Variants in RBFOX1 observed in about 807,000 individuals in gnomAD.
RBFOX1 encodes the protein RNA binding protein fox-1 homolog 1.
Under a neutral mutation model 57.7 loss-of-function variants are expected in RBFOX1, and 8 were observed. The observed-to-expected ratio is 0.14, with a 90% CI of 0.08 to 0.25. RBFOX1 has a LOEUF of 0.25. RBFOX1 is among the 10% of genes least tolerant of loss of function. RBFOX1 has a pLI of 1.00. For missense variants in RBFOX1, 611 were observed against 548.5 expected, an observed-to-expected ratio of 1.11 and a Z score of -1.14; for synonymous variants, 326 against 222.4, an observed-to-expected ratio of 1.47 and a Z score of -4.15.
chr16:7,614,801 T>C (rs2058154874), intron 10 of RBFOX1: 1 of 152,222 alleles, frequency 6.6e-6, no homozygotes, highest in Non-Finnish European at 1.5e-5. Flanking sequence ...CTCAAATCCT[T>C]ATGAAAATGC....
intron 3 of RBFOX1, among the ~76,000 whole-genome samples, chr16:6,738,264 A>G (rs1442465527): frequency 6.6e-6 from 1 of 151,996 alleles, no homozygotes; most frequent in East Asian, 1.9e-4. Flanking sequence ...GAGTCCTTTG[A>G]TTGCCCCAGC....
At chr16:6,594,456 C>G (rs531808527) in intron 2 of RBFOX1, among the ~76,000 whole-genome samples, 3 of 152,102 alleles carry the variant, frequency 2.0e-5, no homozygotes, top group African/African-American at 7.2e-5. Flanking sequence ...GTGGCAAACT[C>G]GGCAATAAAT....
In RBFOX1 at chr16:7,226,883, C is replaced by G. The variant is rs950584599; in HGVS notation, c.27+174785C>G. Among the ~76,000 whole-genome samples the G allele has an allele frequency of 8.5e-5, 13 of 152,324 alleles. No individual in the cohort carries two copies. In the South Asian group the frequency reaches 2.5e-3, roughly 29 times the overall value. The stretch of plus-strand genomic sequence containing the variant: ...GCTCACAGGCAAATGGACTTTATAA[C>G]TTGCAGATACAGTGGGGGTATTTTC... On this transcript the variant is annotated intron_variant, in intron 4 of 15. Transcript: ENST00000550418.
In RBFOX1 at chr16:6,801,586, G is replaced by T. The variant is rs547411422; in HGVS notation, c.-16+146936G>T. The stretch of plus-strand genomic sequence containing the variant: ...AAGGAAGCCCATAATTGGGGTGGAG[G>T]TTGGGGAGATGGCCAGGAGACTCAT... On this transcript the variant is annotated intron_variant, in intron 3 of 15. Transcript: ENST00000550418. Among the ~76,000 whole-genome samples, 444 of 152,148 alleles carry T rather than the reference G, an allele frequency of 2.9e-3. 4 individuals carry two copies. The highest frequency in any genetic ancestry group is 2.3e-3 in the South Asian group (11 of 4,802).
intron 4 of RBFOX1, among the ~76,000 whole-genome samples, chr16:7,064,705 A>G (rs1159308622): frequency 2.0e-5 from 3 of 152,184 alleles, no homozygotes; most frequent in Admixed American, 1.3e-4. Flanking sequence ...GCAAACGCAC[A>G]TCTAAACCTC....
At chr16:7,604,881 G>A (rs2095222388) in intron 9 of RBFOX1, among the ~76,000 whole-genome samples, 1 of 152,180 alleles carries the variant, frequency 6.6e-6, no homozygotes, top group Admixed American at 6.5e-5. Flanking sequence ...GACCTGAGAT[G>A]CACAGTATGG....
chr16:6,077,138 C>A (rs1567398718), intron 1 of RBFOX1, among the ~76,000 whole-genome samples: 1 of 152,128 alleles, frequency 6.6e-6, no homozygotes, highest in Non-Finnish European at 1.5e-5. Flanking sequence ...ACTTTAAATA[C>A]CTTCCAGAGT....
chr16:6,383,771 GAA>G (rs577920472), intron 2 of RBFOX1, among the ~76,000 whole-genome samples: 2 of 143,426 alleles, frequency 1.4e-5, no homozygotes, highest in Admixed American at 1.4e-4. Flanking sequence ...ATTTATCTTG[GAA>G]AAAAAAAAAG....
chr16:7,011,507 T>C (rs1390815523), intron 3 of RBFOX1, among the ~76,000 whole-genome samples: 1 of 148,482 alleles, frequency 6.7e-6, no homozygotes, highest in African/African-American at 2.6e-5. Flanking sequence ...TGTGCGTTTG[T>C]TTTGTTTTGT....
rs59117140 is a variant in RBFOX1 at position 5,548,158 on chromosome 16, TAAAAAA to T, written c.259-50732_259-50727del. Among the ~76,000 whole-genome samples the T allele has an allele frequency of 7.6e-4, 63 of 82,436 alleles. 1 individual carries two copies. The highest frequency in any genetic ancestry group is 1.5e-3 in the South Asian group (4 of 2,664). The allele number at this position is 82,436 out of a possible 152,430, so 54.1% of individuals were successfully genotyped here. On this transcript the variant is annotated intron_variant, in intron 2 of 2. Coordinates refer to the RBFOX1 transcript ENST00000585867. ...CCTGGGTGACAGAGCAAGACTCTGT[TAAAAAA>T]AAAAAAAAAAATATATATATATATA... is the stretch of plus-strand genomic sequence containing the variant.
chr16:6,065,069 C>G (rs1039330250), intron 1 of RBFOX1, among the ~76,000 whole-genome samples: 7 of 151,250 alleles, frequency 4.6e-5, no homozygotes, highest in African/African-American at 1.5e-4. Context: ...GTTCTGTCAC[C>G]CAGGCTAGAG....
At chr16:6,578,511 C>G (rs561446515) in intron 2 of RBFOX1, among the ~76,000 whole-genome samples, 3 of 150,618 alleles carry the variant, frequency 2.0e-5, no homozygotes, top group East Asian at 2.0e-4. Flanking sequence ...AAGCTGTGTT[C>G]TGCATTTTAC....
intron 4 of RBFOX1, among the ~76,000 whole-genome samples, chr16:7,070,765 G>T (rs1255926353): frequency 6.6e-6 from 1 of 152,188 alleles, no homozygotes; most frequent in Non-Finnish European, 1.5e-5. Context: ...TTAAACTGAA[G>T]AATTGAGGTT....
chr16:7,502,662 G>A (rs80117376), intron 4 of RBFOX1, among the ~76,000 whole-genome samples: 2,197 of 152,218 alleles, frequency 0.014, 28 homozygotes, highest in Non-Finnish European at 0.02. Flanking sequence ...AGTTACATAC[G>A]TATACATGTG....
chr16:5,887,339 C>G (rs2057923349), intron 4 of RBFOX1, among the ~76,000 whole-genome samples: 1 of 152,154 alleles, frequency 6.6e-6, no homozygotes, highest in Non-Finnish European at 1.5e-5. Context: ...CCAGATGCCC[C>G]AAAGACCATA....
chr16:6,037,271 A>C (rs1032810591), intron 1 of RBFOX1: 2 of 152,164 alleles, frequency 1.3e-5, no homozygotes, highest in African/African-American at 4.8e-5. Context: ...CCCGCTTAAC[A>C]ACTTTGATAA....
intron 3 of RBFOX1, among the ~76,000 whole-genome samples, chr16:6,976,792 TATG>T (rs1054602861): frequency 2.6e-5 from 3 of 115,834 alleles, no homozygotes; most frequent in Admixed American, 8.8e-5. Context: ...ATATTATATA[TATG>T]ATATATGAGA....
chr16:5,434,120 T>C (rs2067839392), intron 1 of RBFOX1, among the ~76,000 whole-genome samples: 1 of 152,176 alleles, frequency 6.6e-6, no homozygotes, highest in African/African-American at 2.4e-5. Context: ...GAACCTCTGA[T>C]GCATGTCCTG....
chr16:5,869,001 A>T (rs929045509), intron 4 of RBFOX1, among the ~76,000 whole-genome samples: 1 of 152,194 alleles, frequency 6.6e-6, no homozygotes, highest in Non-Finnish European at 1.5e-5. Flanking sequence ...ATAGGCTATG[A>T]TGATCCCTAT....
Sources: gnomAD v4.1 joint callset for allele counts (sites outside exome capture counted in the v4.1 genomes callset) on GRCh38, gnomAD v4.1.1 for gene constraint, MANE v1.5 for transcripts, NCBI Gene and HGNC (gene_info 2026-07-23, HGNC 2026-07-21) for gene names.